Variants in KAZN observed in about 807,000 individuals in gnomAD.
KAZN encodes the protein kazrin.
Under a neutral mutation model 87.4 loss-of-function variants are expected in KAZN, and 40 were observed. That is an observed-to-expected ratio of 0.46 (90% CI 0.36 to 0.60). The LOEUF (loss-of-function observed/expected upper bound fraction) is 0.60, where lower values mean the gene tolerates loss of function less well. Among genes scored for constraint, KAZN ranks in the 20% least tolerant of loss-of-function variants. The pLI is 0.00. For missense variants in KAZN, 898 were observed against 1,073.9 expected, an observed-to-expected ratio of 0.84 and a Z score of 2.29; for synonymous variants, 466 against 458.3, an observed-to-expected ratio of 1.02 and a Z score of -0.22.
chr1:14,485,190 C>G (rs901033937), intron 2 of KAZN, among the ~76,000 whole-genome samples: 2 of 152,222 alleles, frequency 1.3e-5, no homozygotes, highest in African/African-American at 4.8e-5. Flanking sequence ...ACCCACAAGA[C>G]AAGCAACCCT....
chr1:14,997,651 T>A (rs1014646813), intron 2 of KAZN, among the ~76,000 whole-genome samples: 6 of 152,182 alleles, frequency 3.9e-5, no homozygotes, highest in African/African-American at 1.4e-4. Context: ...CAACGTGGAT[T>A]CTCAGTAAAT....
At chr1:14,722,125 T>A (rs1042303923) in intron 1 of KAZN, among the ~76,000 whole-genome samples, 2 of 150,542 alleles carry the variant, frequency 1.3e-5, no homozygotes, top group Non-Finnish European at 3.0e-5. Context: ...GCACTCAGCC[T>A]AAGCGTCAGA....
In KAZN at chr1:14,686,036, C is replaced by A. The variant is rs746823787; in HGVS notation, c.226+86813C>A. ...TGAATGTCTTCCTCTTTTTGTCCTA[C>A]ACAACCTCCATCAGCCTCAGTCTGC... On this transcript the variant is annotated intron_variant, in intron 1 of 14. Transcript: ENST00000376030. 5.3e-5 allele frequency among the ~76,000 whole-genome samples: 8 copies of A among 152,128 alleles called. 1 individual carries two copies. The highest frequency in any genetic ancestry group is 9.7e-5 in the African/African-American group (4 of 41,436).
chr1:14,405,648 T>TGTGTGTGTGTG (rs1173038790), intron 2 of KAZN, among the ~76,000 whole-genome samples: 1 of 80,886 alleles, frequency 1.2e-5, no homozygotes, highest in African/African-American at 4.3e-5. Context: ...GTGTGTGTGT[T>TGTGTGTGTGTG]TATACAGAGA....
chr1:14,943,231 A>G (rs1661353467), intron 1 of KAZN, among the ~76,000 whole-genome samples: 1 of 125,340 alleles, frequency 8.0e-6, no homozygotes, highest in Non-Finnish European at 1.8e-5. Flanking sequence ...GGCCACTCAG[A>G]GCAAGAATTA....
Position 14,402,212 on chromosome 1 carries a change from A to G in KAZN, c.250-196771A>G, listed in dbSNP as rs958559243. Among the ~76,000 whole-genome samples the G allele has an allele frequency of 2.6e-5, 4 of 151,418 alleles. No homozygotes were observed. In the South Asian group the frequency reaches 8.3e-4, roughly 32 times the overall value. On this transcript the variant is annotated intron_variant, in intron 2 of 16. Coordinates refer to the KAZN transcript ENST00000636203. ...ATTTTAAATACAAAACCCACATTTT[A>G]AAAAAATTTGTAAGTTTCTATAGGC...
intron 2 of KAZN, among the ~76,000 whole-genome samples, chr1:14,320,267 T>C (rs1373132167): frequency 6.6e-6 from 1 of 152,132 alleles, no homozygotes; most frequent in Non-Finnish European, 1.5e-5. Context: ...GTTTTCCAAA[T>C]TGGGGCAGGA....
intron 8 of KAZN, among the ~76,000 whole-genome samples, chr1:15,068,796 A>T (rs1043358445): frequency 1.3e-5 from 2 of 151,904 alleles, no homozygotes; most frequent in Non-Finnish European, 2.9e-5. Context: ...TATATCTCCC[A>T]ACTGAAAAAA....
At chr1:15,083,616 G>A (rs1023871540) in intron 8 of KAZN, among the ~76,000 whole-genome samples, 3 of 152,050 alleles carry the variant, frequency 2.0e-5, no homozygotes, top group Non-Finnish European at 2.9e-5. Flanking sequence ...TGTGAACATC[G>A]GCCTGTCTTT....
intron 1 of KAZN, among the ~76,000 whole-genome samples, chr1:14,011,989 T>C (rs1640336376): frequency 6.6e-6 from 1 of 152,140 alleles, no homozygotes; most frequent in Non-Finnish European, 1.5e-5. Flanking sequence ...CTTCTCAGAA[T>C]GATTGAAGGA....
At chr1:14,550,949 C>G (rs1433282398) in intron 2 of KAZN, among the ~76,000 whole-genome samples, 1 of 151,740 alleles carries the variant, frequency 6.6e-6, no homozygotes, top group Non-Finnish European at 1.5e-5. Flanking sequence ...TCCCCTCAAT[C>G]CTTGTAAAGC....
At chr1:14,467,367 T>C (rs947656772) in intron 2 of KAZN, among the ~76,000 whole-genome samples, 14 of 148,654 alleles carry the variant, frequency 9.4e-5, no homozygotes, top group Non-Finnish European at 1.8e-4. Context: ...AAATGGTAAG[T>C]AGAAAATATC....
At chr1:13,897,909 A>G (rs1434918164) in intron 1 of KAZN, among the ~76,000 whole-genome samples, 1 of 151,976 alleles carries the variant, frequency 6.6e-6, no homozygotes. Flanking sequence ...ATCCTCTTCT[A>G]TTTCTAACCC....
intron 2 of KAZN, among the ~76,000 whole-genome samples, chr1:14,978,670 G>A (rs146071086): frequency 4.6e-5 from 7 of 152,146 alleles, no homozygotes; most frequent in East Asian, 3.9e-4. Flanking sequence ...ACTGGCCACC[G>A]AGCGCATCTC....
chr1:13,945,708 T>TGAGAGA (rs1315403538), intron 1 of KAZN, among the ~76,000 whole-genome samples: 11 of 134,622 alleles, frequency 8.2e-5, no homozygotes, highest in East Asian at 3.5e-4. Context: ...TGTGTGTGTG[T>TGAGAGA]GTGAGAGAGA....
intron 2 of KAZN, among the ~76,000 whole-genome samples, chr1:14,998,791 C>T (rs1470950268): frequency 6.6e-6 from 1 of 152,110 alleles, no homozygotes; most frequent in Non-Finnish European, 1.5e-5. Flanking sequence ...TCAGGGTGAC[C>T]TGCCCACCTC....
intron 2 of KAZN, among the ~76,000 whole-genome samples, chr1:14,432,005 C>T (rs1463378050): frequency 6.6e-6 from 1 of 152,118 alleles, no homozygotes; most frequent in Non-Finnish European, 1.5e-5. Flanking sequence ...CTCTGGAGAA[C>T]CCTGACTAAT....
chr1:14,955,342 G>A (rs771385927), intron 1 of KAZN, among the ~76,000 whole-genome samples: 3 of 152,220 alleles, frequency 2.0e-5, no homozygotes, highest in Admixed American at 6.5e-5. Context: ...TGAGGCCACC[G>A]AGGCCCAGGG....
At chr1:14,866,742 G>A (rs900540994) in intron 1 of KAZN, among the ~76,000 whole-genome samples, 2 of 152,060 alleles carry the variant, frequency 1.3e-5, no homozygotes, top group African/African-American at 4.8e-5. Context: ...AAAAAAAAAT[G>A]TTGAAGGATA....
Sources: allele counts gnomAD v4.1 joint callset (sites outside exome capture counted in the v4.1 genomes callset), GRCh38; gene constraint gnomAD v4.1.1; transcripts MANE v1.5; gene names NCBI Gene and HGNC (gene_info 2026-07-23, HGNC 2026-07-21).